CSMD3: variants seen among roughly 807,000 people sequenced by gnomAD.
The protein encoded by CSMD3 is CUB and Sushi multiple domains 3, also known as CUB and sushi domain-containing protein 3.
In CSMD3, 177 loss-of-function variants were observed where a neutral mutation model predicts 435.2. That is an observed-to-expected ratio of 0.41 (90% CI 0.36 to 0.46). The LOEUF (loss-of-function observed/expected upper bound fraction) is 0.46. Among genes scored for constraint, CSMD3 ranks in the 20% least tolerant of loss-of-function variants. CSMD3 has a pLI of 0.34. For missense variants in CSMD3, 4,265 were observed against 4,504.6 expected (o/e 0.95, Z 1.52); for synonymous variants, 1,656 against 1,520.5 (o/e 1.09, Z -2.07).
intron 4 of CSMD3, among the ~76,000 whole-genome samples, chr8:113,128,011 T>C (rs16884347): frequency 0.098 from 14,841 of 152,130 alleles, 1,104 homozygotes; most frequent in African/African-American, 0.2. Flanking sequence ...CTATTATCTT[T>C]TAGAGTTCAG....
chr8:113,019,939 G>A (rs2086623845), intron 5 of CSMD3, among the ~76,000 whole-genome samples: 1 of 151,630 alleles, frequency 6.6e-6, no homozygotes, highest in African/African-American at 2.4e-5. Context: ...CGAGGCGGGT[G>A]GATCATGAGG....
At chr8:112,864,289 C>G (rs369694984) in intron 10 of CSMD3, among the ~76,000 whole-genome samples, 9 of 151,960 alleles carry the variant, frequency 5.9e-5, no homozygotes, top group East Asian at 5.8e-4. Flanking sequence ...CACTCTGTTA[C>G]CCAGGCTGGA....
At chr8:112,585,849 G>T (rs1830682659) in intron 23 of CSMD3, among the ~76,000 whole-genome samples, 1 of 151,538 alleles carries the variant, frequency 6.6e-6, no homozygotes, top group Admixed American at 6.6e-5. Flanking sequence ...CACTGCCTCA[G>T]TTCTATATAC....
intron 10 of CSMD3, among the ~76,000 whole-genome samples, chr8:112,864,484 C>T (rs1055470039): frequency 6.6e-5 from 10 of 152,082 alleles, no homozygotes; most frequent in African/African-American, 2.4e-4. Context: ...CTCCTGACCT[C>T]AAGTGATCAG....
chr8:112,813,119 G>A (rs2079273973), intron 12 of CSMD3, among the ~76,000 whole-genome samples: 1 of 152,164 alleles, frequency 6.6e-6, no homozygotes, highest in Admixed American at 6.6e-5. Context: ...AAGAATTGGT[G>A]TGGCGGCTGA....
In CSMD3 at chr8:112,638,704, G is replaced by C. The variant is rs796594955; in HGVS notation, c.3518C>G (p.Thr1173Arg). The C allele has an allele frequency of 1.3e-6, 2 of 1,576,352 alleles. No homozygotes were observed. Among genetic ancestry groups the C allele is most frequent in the Non-Finnish European group, 1.7e-6 (2 of 1,146,468 alleles). ...FSISYEGFNI[T>R]FSEYNLEPCE... ...GTTTTTTATTTTCTCACCAGAGAAT[G>C]TTATGTTAAATCCTTCATATGATAT... Residue 1173 changes from threonine to arginine, a missense_variant, in exon 21 of 71, where the codon ACA becomes AGA. Coordinates refer to ENST00000297405, the MANE Select transcript of CSMD3 (RefSeq NM_198123.2).
chr8:112,975,931 A>G lies in CSMD3; in HGVS notation c.1248T>C (p.Ser416=). 3 of 1,613,988 alleles carry G rather than the reference A, an allele frequency of 1.9e-6. No individual in the cohort carries two copies. The highest frequency in any genetic ancestry group is 2.5e-6 in the Non-Finnish European group (3 of 1,179,944). ...LDPNTSKDGL[S]PHPADTQSTR... ...TACTTTGTGTATCTGCTGGATGAGG[A>G]GAGAGCCCGTCCTTGGACGTGTTGG... is the stretch of plus-strand genomic sequence containing the variant. The change falls in exon 7 of 71, where the codon TCT becomes TCC. Residue 416 remains serine (S), a synonymous_variant. Transcript: ENST00000297405.
Position 112,228,811 on chromosome 8 carries a change from C to A in CSMD3, c.10909G>T (p.Val3637Leu), listed in dbSNP as rs763055388. 2.5e-6 allele frequency: 4 copies of A among 1,590,198 alleles called. No homozygotes were observed. The highest frequency in any genetic ancestry group is 2.7e-5 in the African/African-American group (2 of 74,162). The change falls in exon 70 of 71, where the codon GTG (valine) becomes TTG (leucine). Residue 3637 changes from valine to leucine, a missense_variant. Around this residue, in one of 3 missense-constraint regions of CSMD3, gnomAD observed 3,255 missense variants for 3,380.2 expected, o/e 0.96. Transcript: ENST00000297405. ...NSSSVAIAIL[V>L]PFFALIFAGF... is the part of the protein sequence containing the mutation. ...GCAAATATAAGTGCAAAAAAAGGCA[C>A]AAGAATAGCAATGGCTACAGAACTA...
rs201497175 is a variant in CSMD3 at position 112,556,732 on chromosome 8, T to C, written c.4234+31A>G. The C allele has an allele frequency of 5.2e-6, 8 of 1,531,884 alleles. No homozygotes were observed. The East Asian group carries it at 1.8e-4, about 35-fold the overall frequency. 94.9% of individuals were successfully genotyped at this position (1,531,884 alleles called of 1,614,324 possible). ...GAATTTGATAAAGTTTTCACAGAAA[T>C]ATTCAATGAAAATCTATGACAGTAT... is the stretch of plus-strand genomic sequence containing the variant. On this transcript the variant is annotated intron_variant, in intron 25 of 70. Transcript: ENST00000297405.
intron 7 of CSMD3, among the ~76,000 whole-genome samples, chr8:112,958,454 A>G (rs919591840): frequency 5.8e-4 from 88 of 152,292 alleles, no homozygotes; most frequent in African/African-American, 2.1e-3. Context: ...AGCCCTGGAC[A>G]CTAGCAAAAG....
At chr8:112,884,895 CT>C (rs1347870208) in intron 10 of CSMD3, among the ~76,000 whole-genome samples, 3 of 151,310 alleles carry the variant, frequency 2.0e-5, no homozygotes, top group Admixed American at 6.6e-5. Flanking sequence ...AATTAAATAC[CT>C]TTTTTTTCCA....
intron 48 of CSMD3, 69 bp downstream of exon 48, chr8:112,314,360 A>C: frequency 1.7e-6 from 2 of 1,166,254 alleles, no homozygotes; most frequent in Non-Finnish European, 2.6e-6. Flanking sequence ...TTATACTCAA[A>C]GTTTACATGT....
intron 27 of CSMD3, among the ~76,000 whole-genome samples, chr8:112,541,394 TAA>T (rs1483196091): frequency 5.3e-5 from 8 of 151,518 alleles, no homozygotes; most frequent in Non-Finnish European, 1.0e-4. Context: ...AAAAATGAGA[TAA>T]GACTAAAATA....
At chr8:112,877,247 A>T (rs894423053) in intron 10 of CSMD3, among the ~76,000 whole-genome samples, 1 of 151,598 alleles carries the variant, frequency 6.6e-6, no homozygotes, top group Non-Finnish European at 1.5e-5. Context: ...TCACAGAATT[A>T]AAAAAAACTA....
chr8:113,413,077 C>T (rs2129822078), intron 1 of CSMD3, among the ~76,000 whole-genome samples: 1 of 152,072 alleles, frequency 6.6e-6, no homozygotes, highest in South Asian at 2.1e-4. Context: ...ATCTAATGTT[C>T]GTTTAATTAC....
At chr8:112,961,354 A>T (rs1181310611) in intron 7 of CSMD3, among the ~76,000 whole-genome samples, 1 of 151,890 alleles carries the variant, frequency 6.6e-6, no homozygotes, top group African/African-American at 2.4e-5. Flanking sequence ...ACTTTGATCA[A>T]AATGGAAAAT....
Position 112,224,682 on chromosome 8 carries a change from G to A in CSMD3, c.*89C>T, listed in dbSNP as rs1178018055. The A allele has an allele frequency of 7.4e-7, 1 of 1,343,404 alleles. No homozygotes were observed. The highest frequency in any genetic ancestry group is 1.1e-6 in the Non-Finnish European group (1 of 933,542). 83.2% of individuals were successfully genotyped at this position (1,343,404 alleles called of 1,614,324 possible). On this transcript the variant is annotated 3_prime_UTR_variant, in exon 71 of 71. Coordinates refer to ENST00000297405, the MANE Select transcript of CSMD3 (RefSeq NM_198123.2). Reference sequence around the variant, plus strand: ...AAGGTGACCCAGCAAGTCCTGAAAAGTGTGCTTTAATTTGTTTAGCAGTGA... The same window carrying A: ...AAGGTGACCCAGCAAGTCCTGAAAAATGTGCTTTAATTTGTTTAGCAGTGA...
intron 22 of CSMD3, among the ~76,000 whole-genome samples, chr8:112,630,235 C>T (rs909776335): frequency 6.6e-6 from 1 of 151,924 alleles, no homozygotes; most frequent in African/African-American, 2.4e-5. Context: ...TAATCTATTA[C>T]TCATCAATAA....
intron 13 of CSMD3, among the ~76,000 whole-genome samples, chr8:112,792,122 G>A (rs964733931): frequency 1.3e-5 from 2 of 152,178 alleles, no homozygotes; most frequent in Non-Finnish European, 1.5e-5. Flanking sequence ...TTCTTATCCA[G>A]CCTGTGATTT....
Sources: allele counts gnomAD v4.1 joint callset (sites outside exome capture counted in the v4.1 genomes callset), GRCh38; gene constraint gnomAD v4.1.1; regional missense constraint gnomAD v4.1.1; transcripts MANE v1.5; gene names NCBI Gene and HGNC (gene_info 2026-07-23, HGNC 2026-07-21).